Variants in EYA2 observed in about 807,000 individuals in gnomAD.
EYA2 encodes the protein protein phosphatase EYA2.
A neutral mutation model predicts 69.2 loss-of-function variants in EYA2; 31 were observed. The ratio of observed to expected loss-of-function variants is 0.45; its 90% CI spans 0.34 to 0.60. The LOEUF is 0.60. Among genes scored for constraint, EYA2 ranks in the 20% least tolerant of loss-of-function variants. The pLI is 0.02. For synonymous variants in EYA2, 257 were observed against 279.4 expected (o/e 0.92, Z 0.80); for missense variants, 622 against 701.2 (o/e 0.89, Z 1.28).
intron 5 of EYA2, among the ~76,000 whole-genome samples, chr20:47,039,689 T>A (rs1297350752): frequency 6.6e-6 from 1 of 152,112 alleles, no homozygotes; most frequent in African/African-American, 2.4e-5. Flanking sequence ...CGGGGCATCT[T>A]GTAGTGATAA....
intron 5 of EYA2, among the ~76,000 whole-genome samples, chr20:47,025,803 C>A (rs1568731464): frequency 6.6e-6 from 1 of 152,168 alleles, no homozygotes; most frequent in Non-Finnish European, 1.5e-5. Flanking sequence ...GGGAGTAGTA[C>A]CTGTTTTCAC....
intron 7 of EYA2, among the ~76,000 whole-genome samples, chr20:47,079,979 G>A (rs2031653927): frequency 6.6e-6 from 1 of 152,214 alleles, no homozygotes; most frequent in Non-Finnish European, 1.5e-5. Flanking sequence ...GAAAGGAAAA[G>A]ACTGTATGTA....
intron 10 of EYA2, among the ~76,000 whole-genome samples, chr20:47,156,178 ATATAT>A (rs2033946078): frequency 1.1e-5 from 1 of 87,994 alleles, no homozygotes; most frequent in East Asian, 4.1e-4. Flanking sequence ...ATATATATAT[ATATAT>A]ATTAGCCGGG....
At chr20:47,045,803 C>T (rs2030007208) in intron 5 of EYA2, among the ~76,000 whole-genome samples, 1 of 152,184 alleles carries the variant, frequency 6.6e-6, no homozygotes, top group African/African-American at 2.4e-5. Context: ...TTTCCAGCTT[C>T]TATAACAAAG....
intron 15 of EYA2, among the ~76,000 whole-genome samples, chr20:47,183,825 G>T (rs1156514911): frequency 1.3e-5 from 2 of 152,162 alleles, no homozygotes; most frequent in East Asian, 1.9e-4. Flanking sequence ...AGGGCAGGGG[G>T]TTCTGGTGGC....
intron 1 of EYA2, among the ~76,000 whole-genome samples, chr20:46,947,301 T>C (rs982434138): frequency 6.6e-6 from 1 of 152,050 alleles, no homozygotes; most frequent in Non-Finnish European, 1.5e-5. Flanking sequence ...TTTTTTTTTT[T>C]CCAAAGTTCC....
At chr20:46,977,993 G>A (rs1457397658) in intron 1 of EYA2, among the ~76,000 whole-genome samples, 11 of 152,180 alleles carry the variant, frequency 7.2e-5, no homozygotes, top group African/African-American at 7.2e-5. Flanking sequence ...CACCTGGGGC[G>A]TGATATACCT....
chr20:46,995,709 A>G (rs1337151724), intron 2 of EYA2, among the ~76,000 whole-genome samples: 1 of 152,248 alleles, frequency 6.6e-6, no homozygotes, highest in African/African-American at 2.4e-5. Context: ...CAATTAGGCA[A>G]CATAACAGCC....
intron 5 of EYA2, among the ~76,000 whole-genome samples, chr20:47,027,431 A>G (rs951683186): frequency 2.6e-5 from 4 of 152,142 alleles, no homozygotes; most frequent in Non-Finnish European, 5.9e-5. Context: ...GCATGTCAGC[A>G]TTCTCGCCCC....
chr20:47,170,261 C>G (rs2034291347), intron 11 of EYA2, among the ~76,000 whole-genome samples: 1 of 152,050 alleles, frequency 6.6e-6, no homozygotes, highest in Admixed American at 6.5e-5. Flanking sequence ...TTAAGAAACA[C>G]TTCTCAAATG....
intron 1 of EYA2, among the ~76,000 whole-genome samples, chr20:46,976,902 T>C (rs1016171679): frequency 5.4e-5 from 4 of 74,578 alleles, no homozygotes; most frequent in African/African-American, 1.7e-4. Flanking sequence ...GAAGACCTGC[T>C]CCAGTCATGT....
intron 10 of EYA2, among the ~76,000 whole-genome samples, chr20:47,144,112 CT>C (rs1321778893): frequency 2.0e-5 from 3 of 152,206 alleles, no homozygotes; most frequent in African/African-American, 7.2e-5. Flanking sequence ...AATCCCAGCA[CT>C]TTGGGAGGCC....
chr20:46,992,771 G>A (rs1301700900), intron 2 of EYA2, among the ~76,000 whole-genome samples: 3 of 152,290 alleles, frequency 2.0e-5, no homozygotes, highest in Non-Finnish European at 4.4e-5. Flanking sequence ...TTCAGAACAG[G>A]TAGCGCCAGT....
At chr20:47,106,739 GA>G (rs1324303769) in intron 9 of EYA2, among the ~76,000 whole-genome samples, 1 of 152,102 alleles carries the variant, frequency 6.6e-6, no homozygotes, top group African/African-American at 2.4e-5. Flanking sequence ...GGAGGCCTCT[GA>G]AAACCCCCTT....
chr20:46,976,866 A>G (rs2146307015), intron 1 of EYA2, among the ~76,000 whole-genome samples: 1 of 152,004 alleles, frequency 6.6e-6, no homozygotes, highest in South Asian at 2.1e-4. Flanking sequence ...TATCACTTCT[A>G]GAGAACTCCA....
intron 5 of EYA2, among the ~76,000 whole-genome samples, chr20:47,038,564 C>T (rs139356650): frequency 6.6e-6 from 1 of 152,268 alleles, no homozygotes; most frequent in East Asian, 1.9e-4. Context: ...CCACATAGGG[C>T]AGAGGAAACC....
chr20:46,898,876 T>G (rs1983950592), intron 1 of EYA2, among the ~76,000 whole-genome samples: 1 of 152,234 alleles, frequency 6.6e-6, no homozygotes, highest in African/African-American at 2.4e-5. Flanking sequence ...GCTTATACAT[T>G]CATTTTTAGT....
At chr20:47,034,220 G>A (rs1984569846) in intron 5 of EYA2, among the ~76,000 whole-genome samples, 1 of 152,082 alleles carries the variant, frequency 6.6e-6, no homozygotes, top group Admixed American at 6.5e-5. Flanking sequence ...ATCATTAATG[G>A]CAAGTGGTAT....
chr20:46,919,737 T>A (rs1985094147), intron 1 of EYA2, among the ~76,000 whole-genome samples: 3 of 152,270 alleles, frequency 2.0e-5, no homozygotes, highest in Admixed American at 2.0e-4. Flanking sequence ...AAATTTTTCC[T>A]TTGCATTCAC....
Sources: allele counts gnomAD v4.1 joint callset (sites outside exome capture counted in the v4.1 genomes callset), GRCh38; gene constraint gnomAD v4.1.1; transcripts MANE v1.5; gene names NCBI Gene and HGNC (gene_info 2026-07-23, HGNC 2026-07-21).